Variants in NPTN observed in about 807,000 individuals in gnomAD.
NPTN encodes the protein SDR-1.
Under a neutral mutation model 42.7 loss-of-function variants are expected in NPTN, and 5 were observed. The observed-to-expected ratio is 0.12, with a 90% CI of 0.06 to 0.25. The LOEUF is 0.25. Among genes scored for constraint, NPTN ranks in the 10% least tolerant of loss-of-function variants. The pLI is 1.00. For synonymous variants in NPTN, 180 were observed against 201.9 expected (o/e 0.89, Z 0.92); for missense variants, 307 against 525.4 (o/e 0.58, Z 4.06).
intron 1 of NPTN, among the ~76,000 whole-genome samples, chr15:73,612,635 T>C (rs1394881896): frequency 6.6e-6 from 1 of 152,048 alleles, no homozygotes; most frequent in African/African-American, 2.4e-5. Flanking sequence ...CCGGGCGTGG[T>C]GGCCAGTGCC....
intron 4 of NPTN, among the ~76,000 whole-genome samples, chr15:73,586,401 C>T (rs914857426): frequency 6.6e-6 from 1 of 152,168 alleles, no homozygotes; most frequent in Non-Finnish European, 1.5e-5. Flanking sequence ...GTTCTCTGGC[C>T]CAGTGTGACC....
chr15:73,592,112 C>T lies in NPTN; in HGVS notation c.465G>A (p.Glu155=). ...LQKPRIVTSE[E]VIIRDSPVLP... ...GAACAGGGCTGTCTCGAATAATGAC[C>T]TCTTCACTGGTGACAATCCTTGGCT... Residue 155 remains glutamate (E), a synonymous_variant, in exon 3 of 9, where the codon GAG becomes GAA. Transcript: ENST00000345330. 6.2e-7 allele frequency: 1 copy of T among 1,613,818 alleles called. No homozygotes were observed. The highest frequency in any genetic ancestry group is 8.5e-7 in the Non-Finnish European group (1 of 1,179,842).
At chr15:73,599,040 C>G (rs978623400) in intron 1 of NPTN, among the ~76,000 whole-genome samples, 6 of 152,196 alleles carry the variant, frequency 3.9e-5, no homozygotes, top group African/African-American at 1.4e-4. Context: ...GATTAACAGG[C>G]TTAGACTAAA....
intron 1 of NPTN, among the ~76,000 whole-genome samples, chr15:73,626,540 G>A (rs566750294): frequency 6.6e-6 from 1 of 152,274 alleles, no homozygotes; most frequent in East Asian, 1.9e-4. Flanking sequence ...ACATCATCTA[G>A]TCCAATGGTT....
intron 1 of NPTN, among the ~76,000 whole-genome samples, chr15:73,617,558 T>C: frequency 6.6e-6 from 1 of 152,206 alleles, no homozygotes; most frequent in East Asian, 1.9e-4. Flanking sequence ...CTTATGTATC[T>C]GGTTACCTCA....
intron 1 of NPTN, among the ~76,000 whole-genome samples, chr15:73,600,517 G>GT (rs889059312): frequency 1.3e-5 from 2 of 152,128 alleles, no homozygotes; most frequent in African/African-American, 4.8e-5. Flanking sequence ...GTCCAAAAAA[G>GT]TTAAATATTT....
At chr15:73,598,906 C>T (rs1199144727) in intron 1 of NPTN, among the ~76,000 whole-genome samples, 1 of 152,184 alleles carries the variant, frequency 6.6e-6, no homozygotes, top group Non-Finnish European at 1.5e-5. Flanking sequence ...GATAACCCCA[C>T]ACCATGGACT....
At chr15:73,609,944 A>G (rs1001658303) in intron 1 of NPTN, among the ~76,000 whole-genome samples, 11 of 152,162 alleles carry the variant, frequency 7.2e-5, no homozygotes, top group African/African-American at 1.2e-4. Context: ...AGTATGTATT[A>G]CTGTTATAGT....
chr15:73,593,317 C>T (rs567328945), intron 2 of NPTN, among the ~76,000 whole-genome samples: 2 of 152,312 alleles, frequency 1.3e-5, no homozygotes, highest in East Asian at 3.9e-4. Context: ...TTTCCCCAGG[C>T]TTAGTTTTCT....
intron 1 of NPTN, among the ~76,000 whole-genome samples, chr15:73,629,492 A>C (rs1898613044): frequency 1.3e-5 from 2 of 152,152 alleles, no homozygotes; most frequent in African/African-American, 4.8e-5. Context: ...TTGACAGAAA[A>C]GAAAAAGATC....
At position 73,609,811 on chromosome 15, in the gene NPTN, AG is replaced by A. The variant is rs200050143; in HGVS notation, c.92-12443del. On this transcript the variant is annotated intron_variant, in intron 1 of 8. Coordinates refer to ENST00000345330, the MANE Select transcript of NPTN (RefSeq NM_012428.4). ...AAGTATATATATTTATGGGATACATAGTGAAGTTTCAATATATATACAATGT... is the reference window on the plus strand; with the variant it reads ...AAGTATATATATTTATGGGATACATATGAAGTTTCAATATATATACAATGT... 9.9e-3 allele frequency among the ~76,000 whole-genome samples: 1,502 copies of A among 152,286 alleles called. 24 individuals are homozygous for A. The highest frequency in any genetic ancestry group is 0.034 in the African/African-American group (1,427 of 41,560).
In NPTN at chr15:73,587,752, A is replaced by G. The variant is rs76370337; in HGVS notation, c.612-134T>C. On this transcript the variant is annotated intron_variant, in intron 3 of 8. Transcript: ENST00000345330. ...TGCAACTCACCTCCTTCTAACTAAA[A>G]GCAAAAATTCCTCTCTGTGCATCCT... 1.7e-4 allele frequency: 112 copies of G among 642,632 alleles called. No homozygotes were observed. In the East Asian group the frequency reaches 3.1e-3, roughly 18 times the overall value. 39.8% of individuals were successfully genotyped at this position (642,632 alleles called of 1,614,324 possible). A position where few individuals can be genotyped will look rare whatever the true frequency, so the allele number is the denominator to read the frequency against.
intron 1 of NPTN, among the ~76,000 whole-genome samples, chr15:73,604,163 T>A (rs1897189699): frequency 6.6e-6 from 1 of 151,730 alleles, no homozygotes; most frequent in South Asian, 2.1e-4. Flanking sequence ...AAGAAAAAAA[T>A]TTAAAAGTAT....
chr15:73,619,794 TA>T (rs1898044487), intron 1 of NPTN, among the ~76,000 whole-genome samples: 1 of 152,234 alleles, frequency 6.6e-6, no homozygotes, highest in African/African-American at 2.4e-5. Context: ...ATCATTTTAC[TA>T]TAGAACACAT....
intron 1 of NPTN, among the ~76,000 whole-genome samples, chr15:73,623,821 T>C (rs1341482574): frequency 1.3e-5 from 2 of 152,252 alleles, no homozygotes; most frequent in Non-Finnish European, 2.9e-5. Context: ...ATTTCTGTTT[T>C]TGAGTACCCT....
At position 73,605,376 on chromosome 15, in the gene NPTN, T is replaced by TA. The variant is rs201221433; in HGVS notation, c.92-8008dup. ...AAAATGATTTAGAATAAATTCTGGT[T>TA]AAAAAAAAAAAATCTTACAAAAATA... On this transcript the variant is annotated intron_variant, in intron 1 of 8. Coordinates refer to ENST00000345330, the MANE Select transcript of NPTN (RefSeq NM_012428.4). Among the ~76,000 whole-genome samples, 977 of 146,736 alleles carry TA rather than the reference T, an allele frequency of 6.7e-3. 12 individuals carry two copies. The highest frequency in any genetic ancestry group is 0.06 in the East Asian group (304 of 5,072).
At chr15:73,563,342 G>T in intron 6 of NPTN, 85 bp from the exon 7 acceptor site, 1 of 1,579,740 alleles carries the variant, frequency 6.3e-7, no homozygotes, top group South Asian at 1.1e-5. Context: ...AGGATTAACA[G>T]AATAGCAAAC....
chr15:73,580,483 A>C (rs1895962145), intron 4 of NPTN, among the ~76,000 whole-genome samples: 1 of 128,724 alleles, frequency 7.8e-6, no homozygotes, highest in Non-Finnish European at 1.5e-5. Flanking sequence ...ATATACATAA[A>C]TATATATATA....
Position 73,562,320 on chromosome 15 carries a change from G to C in NPTN, c.1137-350C>G, listed in dbSNP as rs1019408592. ...ATGTGAGCACACAAAAAAAACTTCA[G>C]ATTTTGGAGCATTTCAGATTATGGA... is the stretch of plus-strand genomic sequence containing the variant. On this transcript the variant is annotated intron_variant, in intron 7 of 8. Coordinates refer to ENST00000345330, the MANE Select transcript of NPTN (RefSeq NM_012428.4). Among the ~76,000 whole-genome samples the C allele has an allele frequency of 2.0e-5, 3 of 152,156 alleles. No homozygotes were observed. The South Asian group carries it at 6.2e-4, about 32-fold the overall frequency.
Sources: allele counts gnomAD v4.1 joint callset (sites outside exome capture counted in the v4.1 genomes callset), GRCh38; gene constraint gnomAD v4.1.1; transcripts MANE v1.5; gene names NCBI Gene and HGNC (gene_info 2026-07-23, HGNC 2026-07-21).